The following STON1 variants were observed in gnomAD, a reference collection of about 807,000 sequenced individuals.
STON1 encodes the protein stonin-1.
A neutral mutation model predicts 60.9 loss-of-function variants in STON1; 79 were observed. That is an observed-to-expected ratio of 1.30 (90% CI 1.08 to 1.56). The LOEUF (loss-of-function observed/expected upper bound fraction) is 1.56, where lower values mean the gene tolerates loss of function less well. Ranked by LOEUF, STON1 falls within the 40% of genes most tolerant of loss-of-function variation. The probability of loss-of-function intolerance (pLI) is 0.00; values close to 1 mark genes in which losing one functional copy is unlikely to be tolerated. For synonymous variants in STON1, 363 were observed against 306.9 expected (o/e 1.18, Z -1.91); for missense variants, 1,166 against 858.9 (o/e 1.36, Z -4.47).
At chr2:48,558,335 A>G (rs979802040) in intron 1 of STON1, among the ~76,000 whole-genome samples, 4 of 152,246 alleles carry the variant, frequency 2.6e-5, no homozygotes, top group African/African-American at 4.8e-5. Context: ...GAGGAATAGA[A>G]GCAAACATGC....
At position 48,546,155 on chromosome 2, in the gene STON1, TTTC is replaced by T. The variant is rs575554341; in HGVS notation, c.-48+15941_-48+15943del. Among the ~76,000 whole-genome samples the T allele has an allele frequency of 3.8e-3, 577 of 152,350 alleles. 3 individuals are homozygous for T. Among genetic ancestry groups the T allele is most frequent in the African/African-American group, 0.013 (523 of 41,588 alleles). ...CCATCTTCCGGTCTGTCCTTCACTC[TTTC>T]TAAAATTCTGATTTGACCCTGTTTA... On this transcript the variant is annotated intron_variant, in intron 1 of 3. Coordinates refer to ENST00000404752, the MANE Select transcript of STON1 (RefSeq NM_006873.4).
chr2:48,564,457 T>TC (rs1672763924), intron 1 of STON1, among the ~76,000 whole-genome samples: 1 of 54,266 alleles, frequency 1.8e-5, no homozygotes, highest in African/African-American at 7.0e-5. Context: ...TTCTTCTTCT[T>TC]CTTCTTCTTC....
At position 48,595,456 on chromosome 2, in the gene STON1, C is replaced by T. The variant is rs1213631239; in HGVS notation, c.*154C>T. Reference sequence around the variant, plus strand: ...GTTTAGAGAAGTTTAGACCTAAAACCGAACAATCTGTATTTTTTGCTTTTC... The same window carrying T: ...GTTTAGAGAAGTTTAGACCTAAAACTGAACAATCTGTATTTTTTGCTTTTC... On this transcript the variant is annotated 3_prime_UTR_variant, in exon 4 of 4. Transcript: ENST00000404752. 8 of 608,466 alleles carry T rather than the reference C, an allele frequency of 1.3e-5. No individual in the cohort carries two copies. The highest frequency in any genetic ancestry group is 9.1e-5 in the South Asian group (4 of 43,914). 37.7% of individuals were successfully genotyped at this position (608,466 alleles called of 1,614,324 possible). A position where few individuals can be genotyped will look rare whatever the true frequency, so the allele number is the denominator to read the frequency against.
In STON1 at chr2:48,582,352, T is replaced by C. The variant is rs773924592; in HGVS notation, c.1719T>C (p.Pro573=). 6.2e-7 allele frequency: 1 copy of C among 1,614,222 alleles called. No individual in the cohort carries two copies. Among genetic ancestry groups the C allele is most frequent in the Non-Finnish European group, 8.5e-7 (1 of 1,180,044 alleles). ...GTGACAATATAAGGATACACTTTCC[T>C]GTCCCATCGCAGTGGATCAAGGCCC... ...RSCDNIRIHF[P]VPSQWIKALW... is the part of the protein sequence containing the mutation. The change falls in exon 2 of 4, where the codon CCT becomes CCC. Residue 573 remains proline (P), a synonymous_variant. Transcript: ENST00000404752.
chr2:48,566,199 G>C (rs1295437863), intron 1 of STON1, among the ~76,000 whole-genome samples: 1 of 152,030 alleles, frequency 6.6e-6, no homozygotes, highest in Non-Finnish European at 1.5e-5. Context: ...TTTTTGAGAT[G>C]GAGTTTCACT....
At position 48,581,422 on chromosome 2, in the gene STON1, C is replaced by T. The variant is rs976712473; in HGVS notation, c.789C>T (p.Val263=). ...CTGAAGAAAATGCCTCTTCCTTTGT[C>T]CCCCACACACTCTTCAGGAGTCAGC... is the stretch of plus-strand genomic sequence containing the variant. ...LCAEENASSF[V]PHTLFRSQPK... The change falls in exon 2 of 4, where the codon GTC becomes GTT. Residue 263 remains valine, a synonymous_variant. Transcript: ENST00000404752. 6 of 1,612,834 alleles carry T rather than the reference C, an allele frequency of 3.7e-6. No homozygotes were observed. The highest frequency in any genetic ancestry group is 1.1e-5 in the South Asian group (1 of 90,942).
rs575332693 is a variant in STON1 at position 48,593,473 on chromosome 2, C to T, written c.2133+1618C>T. On this transcript the variant is annotated intron_variant, in intron 3 of 3. Coordinates refer to ENST00000404752, the MANE Select transcript of STON1 (RefSeq NM_006873.4). ...ATCACAAAAATTAAATAGTGCATTA[C>T]AGACAGGTGGTTCAGTTTAGAATGT... 1.2e-4 allele frequency among the ~76,000 whole-genome samples: 19 copies of T among 152,336 alleles called. No homozygotes were observed. The South Asian group carries it at 3.7e-3, about 30-fold the overall frequency.
chr2:48,572,931 G>A (rs1673291721), intron 1 of STON1, among the ~76,000 whole-genome samples: 1 of 152,224 alleles, frequency 6.6e-6, no homozygotes, highest in Non-Finnish European at 1.5e-5. Context: ...TGGCCTCCAG[G>A]GAGCCAGCAG....
At chr2:48,541,166 C>T (rs1266017793) in intron 1 of STON1, among the ~76,000 whole-genome samples, 1 of 151,246 alleles carries the variant, frequency 6.6e-6, no homozygotes, top group Non-Finnish European at 1.5e-5. Flanking sequence ...GCCTGGCCAA[C>T]ATGGTGAAAC....
rs1673830348 is a variant in STON1, at chr2:48,580,775, A to G, written c.142A>G (p.Arg48Gly). 6.4e-7 allele frequency: 1 copy of G among 1,558,250 alleles called. No individual in the cohort carries two copies. Among genetic ancestry groups the G allele is most frequent in the Non-Finnish European group, 8.7e-7 (1 of 1,153,494 alleles). The change falls in exon 2 of 4, where the codon AGG (arginine) becomes GGG (glycine). Residue 48 changes from arginine to glycine, a missense_variant. Transcript: ENST00000404752. ...NGLKLNLPGL[R>G]EFPSGSSSTS... The stretch of plus-strand genomic sequence containing the variant: ...ACTGAAGCTGAACCTTCCTGGCCTC[A>G]GGGAATTTCCCAGTGGATCTTCCTC...
At position 48,582,003 on chromosome 2, in the gene STON1, C is replaced by T. The variant is rs776598075; in HGVS notation, c.1370C>T (p.Thr457Ile). Residue 457 changes from threonine (T) to isoleucine (I), a missense_variant, in exon 2 of 4, where the codon ACC (threonine) becomes ATC (isoleucine). Thr to Ile is a moderately conservative substitution (Grantham distance 89). Coordinates refer to ENST00000404752, the MANE Select transcript of STON1 (RefSeq NM_006873.4). ...FVNGNLECFL[T>I]LNDLELPKRD... Reference sequence around the variant, plus strand: ...AATGGGAACCTGGAATGCTTTTTAACCTTGAATGACCTTGAGTTGCCGAAG... The same window carrying T: ...AATGGGAACCTGGAATGCTTTTTAATCTTGAATGACCTTGAGTTGCCGAAG... 2 of 1,614,112 alleles carry T rather than the reference C, an allele frequency of 1.2e-6. No homozygotes were observed. The highest frequency in any genetic ancestry group is 2.2e-5 in the South Asian group (2 of 91,078).
intron 1 of STON1, among the ~76,000 whole-genome samples, chr2:48,559,314 T>G (rs1351795743): frequency 6.6e-6 from 1 of 152,206 alleles, no homozygotes; most frequent in Non-Finnish European, 1.5e-5. Context: ...TTGCTCACAG[T>G]TCTGGAGGCT....
intron 2 of STON1, among the ~76,000 whole-genome samples, chr2:48,583,086 A>G (rs1222309006): frequency 6.6e-6 from 1 of 152,058 alleles, no homozygotes; most frequent in African/African-American, 2.4e-5. Context: ...GGTCATCTCA[A>G]CTTGTATTGT....
chr2:48,582,345 A>C lies in STON1; in HGVS notation c.1712A>C (p.His571Pro). The change falls in exon 2 of 4, where the codon CAC (histidine) becomes CCC (proline). Residue 571 changes from histidine to proline, a missense_variant. Coordinates refer to ENST00000404752, the MANE Select transcript of STON1 (RefSeq NM_006873.4). ...AGGTCCTGTGACAATATAAGGATAC[A>C]CTTTCCTGTCCCATCGCAGTGGATC... ...SLRSCDNIRI[H>P]FPVPSQWIKA... is the part of the protein sequence containing the mutation. 6.2e-7 allele frequency: 1 copy of C among 1,614,186 alleles called. No homozygotes were observed. The highest frequency in any genetic ancestry group is 8.5e-7 in the Non-Finnish European group (1 of 1,180,028).
chr2:48,591,363 T>C (rs951508535), intron 2 of STON1, among the ~76,000 whole-genome samples: 2 of 151,438 alleles, frequency 1.3e-5, no homozygotes, highest in African/African-American at 4.8e-5. Context: ...AGTTCATCTG[T>C]GCCTGCATAT....
intron 1 of STON1, among the ~76,000 whole-genome samples, chr2:48,564,451 TCTTCTTCTTCTTCTTCTTCTTCTTCTTC>T (rs1672760528): frequency 1.1e-4 from 6 of 53,740 alleles, no homozygotes; most frequent in African/African-American, 3.5e-4. Context: ...TTCTTCTTCT[TCTTCTTCTTCTTCTTCTTCTTCTTCTTC>T]TTTCTTCTTC....
intron 1 of STON1, among the ~76,000 whole-genome samples, chr2:48,561,914 G>T (rs558311349): frequency 5.3e-5 from 8 of 152,278 alleles, no homozygotes; most frequent in African/African-American, 1.4e-4. Context: ...AGGCTGGAGT[G>T]CAGTGGTGCA....
At chr2:48,567,816 G>T (rs989920599) in intron 1 of STON1, among the ~76,000 whole-genome samples, 1 of 151,830 alleles carries the variant, frequency 6.6e-6, no homozygotes, top group Non-Finnish European at 1.5e-5. Context: ...ATATACAGTT[G>T]TTTCTGGAAT....
chr2:48,560,326 T>C (rs553819843), intron 1 of STON1, among the ~76,000 whole-genome samples: 2 of 152,336 alleles, frequency 1.3e-5, no homozygotes, highest in Non-Finnish European at 2.9e-5. Context: ...CAGCTTCCTT[T>C]GAGAATTCAG....
Sources: allele counts gnomAD v4.1 joint callset (sites outside exome capture counted in the v4.1 genomes callset), GRCh38; gene constraint gnomAD v4.1.1; transcripts MANE v1.5; gene names NCBI Gene and HGNC (gene_info 2026-07-23, HGNC 2026-07-21).